The following BICRAL variants were observed in gnomAD, a reference collection of about 807,000 sequenced individuals.
BICRAL encodes BICRA like chromatin remodeling complex associated protein, also known as BRD4-interacting chromatin-remodeling complex-associated protein-like.
In BICRAL, 8 loss-of-function variants were observed where a neutral mutation model predicts 91.8. The ratio of observed to expected loss-of-function variants is 0.09; its 90% CI spans 0.05 to 0.16. The LOEUF (loss-of-function observed/expected upper bound fraction) is 0.16, where lower values mean the gene tolerates loss of function less well. Ranked by LOEUF, BICRAL falls within the 10% of genes least tolerant of loss-of-function variation. The pLI is 1.00. For synonymous variants in BICRAL, 445 were observed against 491.1 expected (o/e 0.91, Z 1.24); for missense variants, 1,038 against 1,310.9 (o/e 0.79, Z 3.21).
intron 6 of BICRAL, among the ~76,000 whole-genome samples, chr6:42,838,220 A>C (rs1214274168): frequency 6.6e-6 from 1 of 152,200 alleles, no homozygotes; most frequent in African/African-American, 2.4e-5. Flanking sequence ...CTTTACAAAA[A>C]CAGTTTTTCA....
chr6:42,790,108 G>GA (rs1198367159), intron 1 of BICRAL, among the ~76,000 whole-genome samples: 1 of 151,976 alleles, frequency 6.6e-6, no homozygotes, highest in South Asian at 2.1e-4. Flanking sequence ...CACGTGATGA[G>GA]AAAAAAAGTC....
At chr6:42,746,722 C>T (rs1762281088), upstream of BICRAL, among the ~76,000 whole-genome samples, 1 of 152,110 alleles carries the variant, frequency 6.6e-6, no homozygotes, top group African/African-American at 2.4e-5. Context: ...CCGCCCCCCT[C>T]CCCCCTATCC....
chr6:42,787,930 G>A (rs1763147304), intron 1 of BICRAL, among the ~76,000 whole-genome samples: 1 of 150,210 alleles, frequency 6.7e-6, no homozygotes, highest in Non-Finnish European at 1.5e-5. Context: ...ATGTCACTCA[G>A]TCATCCAGGT....
At chr6:42,782,022 G>GCGCCCGC (rs1452215053), upstream of BICRAL, 1 of 146,328 alleles carries the variant, frequency 6.8e-6, no homozygotes, top group Admixed American at 7.0e-5. Flanking sequence ...CCCCGGCCCC[G>GCGCCCGC]CGCCCGCCGC....
At chr6:42,817,986 A>G (rs931463598) in intron 2 of BICRAL, among the ~76,000 whole-genome samples, 2 of 150,602 alleles carry the variant, frequency 1.3e-5, no homozygotes, top group Non-Finnish European at 3.0e-5. Context: ...AAAAAAAAAA[A>G]GTGAGTAAAA....
intron 1 of BICRAL, among the ~76,000 whole-genome samples, chr6:42,791,039 G>T (rs1213700551): frequency 6.6e-6 from 1 of 152,054 alleles, no homozygotes; most frequent in Admixed American, 6.6e-5. Context: ...TGTGCTGGGG[G>T]TGGCCTGCCC....
chr6:42,747,102 TTC>T (rs1474000025), intron 1 of BICRAL: 1 of 152,146 alleles, frequency 6.6e-6, no homozygotes, highest in Admixed American at 6.5e-5. Flanking sequence ...GGTACATTAT[TTC>T]TAGGGGTGGT....
At chr6:42,843,587 G>A (rs1182996522) in intron 6 of BICRAL, among the ~76,000 whole-genome samples, 3 of 152,098 alleles carry the variant, frequency 2.0e-5, no homozygotes, top group African/African-American at 7.2e-5. Context: ...GGATAAGGAT[G>A]ACTTACAGGT....
chr6:42,764,804 C>T (rs987495339), intron 1 of BICRAL, among the ~76,000 whole-genome samples: 12 of 151,888 alleles, frequency 7.9e-5, no homozygotes, highest in South Asian at 4.2e-4. Context: ...GTACTACAGG[C>T]GTGTGCCACC....
intron 5 of BICRAL, among the ~76,000 whole-genome samples, chr6:42,825,844 G>A (rs1764283351): frequency 6.8e-6 from 1 of 146,248 alleles, no homozygotes; most frequent in Non-Finnish European, 1.5e-5. Flanking sequence ...ACTTGTGAGA[G>A]GCCGAAGTAG....
chr6:42,781,148 T>G (rs559223683), upstream of BICRAL, among the ~76,000 whole-genome samples: 1 of 152,244 alleles, frequency 6.6e-6, no homozygotes, highest in African/African-American at 2.4e-5. Context: ...CAAAGAATGT[T>G]AAAAGATTGA....
In BICRAL at chr6:42,865,707, T is replaced by C. The variant is rs1765693763; in HGVS notation, c.*261T>C. The C allele has an allele frequency of 4.6e-6, 2 of 431,090 alleles. No individual in the cohort carries two copies. The highest frequency in any genetic ancestry group is 4.1e-6 in the Non-Finnish European group (1 of 242,248). 26.7% of individuals were successfully genotyped at this position (431,090 alleles called of 1,614,324 possible). ...TGATAGGCCCCACTCATTTCAAGTG[T>C]TATGAAAGTGCTTATAGGCATTTTG... On this transcript the variant is annotated 3_prime_UTR_variant, in exon 13 of 13. Coordinates refer to ENST00000314073, the MANE Select transcript of BICRAL (RefSeq NM_001393499.1).
intron 5 of BICRAL, among the ~76,000 whole-genome samples, chr6:42,824,791 T>C (rs377489836): frequency 6.6e-6 from 1 of 152,242 alleles, no homozygotes; most frequent in African/African-American, 2.4e-5. Flanking sequence ...GAGTAACACT[T>C]GAGCATTTAG....
intron 2 of BICRAL, among the ~76,000 whole-genome samples, chr6:42,816,149 G>C (rs546261380): frequency 6.6e-6 from 1 of 151,492 alleles, no homozygotes; most frequent in African/African-American, 2.4e-5. Context: ...CTTAAGTGCA[G>C]CAGTTCGAGA....
chr6:42,814,519 A>ATATATATATATATATATT (rs1237976324), intron 2 of BICRAL, among the ~76,000 whole-genome samples: 1 of 80,212 alleles, frequency 1.2e-5, no homozygotes, highest in African/African-American at 6.6e-5. Flanking sequence ...ATATATATAT[A>ATATATATATATATATATT]TTTTTTTTTT....
intron 1 of BICRAL, among the ~76,000 whole-genome samples, chr6:42,795,002 T>A (rs557095920): frequency 1.3e-5 from 2 of 151,396 alleles, no homozygotes; most frequent in South Asian, 4.2e-4. Context: ...TGCAAGAGTC[T>A]ATTTACTGAT....
chr6:42,812,861 C>T lies in BICRAL; in HGVS notation c.-6+2460C>T, dbSNP rs182894773. 1.4e-3 allele frequency among the ~76,000 whole-genome samples: 215 copies of T among 152,206 alleles called. 1 individual carries two copies. The highest frequency in any genetic ancestry group is 2.4e-3 in the Non-Finnish European group (165 of 68,020). On this transcript the variant is annotated intron_variant, in intron 2 of 12. Coordinates refer to ENST00000314073, the MANE Select transcript of BICRAL (RefSeq NM_001393499.1). ...AGCCTCCTGGACAACATAGTAAAACCCTGTCTCTACAGAAAATACAGAAAT... is the reference window on the plus strand; with the variant it reads ...AGCCTCCTGGACAACATAGTAAAACTCTGTCTCTACAGAAAATACAGAAAT...
intron 1 of BICRAL, among the ~76,000 whole-genome samples, chr6:42,794,068 CA>C (rs1343631665): frequency 6.6e-6 from 1 of 151,438 alleles, no homozygotes; most frequent in Non-Finnish European, 1.5e-5. Context: ...AAATTTGAGA[CA>C]GGGGCTCGCT....
At chr6:42,813,423 G>A (rs900966606) in intron 2 of BICRAL, among the ~76,000 whole-genome samples, 1 of 152,074 alleles carries the variant, frequency 6.6e-6, no homozygotes, top group Non-Finnish European at 1.5e-5. Flanking sequence ...ATGAGAAATA[G>A]TACATCAGTA....
Sources: allele counts gnomAD v4.1 joint callset (sites outside exome capture counted in the v4.1 genomes callset), GRCh38; gene constraint gnomAD v4.1.1; transcripts MANE v1.5; gene names NCBI Gene and HGNC (gene_info 2026-07-23, HGNC 2026-07-21).